KCNAB1: variants seen among roughly 807,000 people sequenced by gnomAD.
KCNAB1 encodes the protein voltage-gated potassium channel subunit beta-1.
KCNAB1 carries 35 observed loss-of-function variants against 64.6 expected under a neutral mutation model. The observed-to-expected ratio is 0.54, with a 90% CI of 0.41 to 0.72. The LOEUF (loss-of-function observed/expected upper bound fraction) is 0.72. Ranked by LOEUF, KCNAB1 falls within the 30% of genes least tolerant of loss-of-function variation. The pLI is 0.00. For synonymous variants in KCNAB1, 177 were observed against 183.8 expected (o/e 0.96, Z 0.30); for missense variants, 401 against 512.9 (o/e 0.78, Z 2.11).
At chr3:156,342,979 C>A (rs1724244851) in intron 1 of KCNAB1, among the ~76,000 whole-genome samples, 1 of 152,144 alleles carries the variant, frequency 6.6e-6, no homozygotes, top group African/African-American at 2.4e-5. Context: ...AGTTTACATA[C>A]ATGTTAAGGA....
At chr3:156,389,088 A>C (rs893792132) in intron 1 of KCNAB1, among the ~76,000 whole-genome samples, 2 of 152,150 alleles carry the variant, frequency 1.3e-5, no homozygotes, top group Non-Finnish European at 2.9e-5. Context: ...ATCTGACATC[A>C]CAGCAAAGTA....
chr3:156,516,816 G>T (rs1717595390), intron 11 of KCNAB1, among the ~76,000 whole-genome samples: 1 of 152,226 alleles, frequency 6.6e-6, no homozygotes, highest in African/African-American at 2.4e-5. Flanking sequence ...AGCTGAGTAT[G>T]GTTGACACTT....
At chr3:156,535,092 G>A (rs1718964974) in intron 13 of KCNAB1, among the ~76,000 whole-genome samples, 1 of 151,762 alleles carries the variant, frequency 6.6e-6, no homozygotes. Flanking sequence ...TAACACATTA[G>A]CTGTTTGGAC....
At chr3:156,495,058 T>C (rs937234288) in intron 8 of KCNAB1, among the ~76,000 whole-genome samples, 2 of 152,256 alleles carry the variant, frequency 1.3e-5, no homozygotes, top group Admixed American at 1.3e-4. Context: ...CCAGTGTGTG[T>C]GCCCTGCAGT....
At position 156,508,817 on chromosome 3, in the gene KCNAB1, C is replaced by T. The variant is rs1011409527; in HGVS notation, c.659-5547C>T. ...GTGCTAGGGATACAGGGAGTATGTA[C>T]GAGAGCTGCCTGTGGCGGGTGAGCG... On this transcript the variant is annotated intron_variant, in intron 8 of 13. Transcript: ENST00000490337. The surrounding 1 kb of genome is among the most constrained non-coding windows in gnomAD (Gnocchi z 4.1). Among the ~76,000 whole-genome samples, 2 of 152,142 alleles carry T rather than the reference C, an allele frequency of 1.3e-5. No individual in the cohort carries two copies. Among genetic ancestry groups the T allele is most frequent in the African/African-American group, 2.4e-5 (1 of 41,414 alleles).
intron 11 of KCNAB1, among the ~76,000 whole-genome samples, chr3:156,522,448 T>C (rs1181939401): frequency 6.6e-6 from 1 of 152,090 alleles, no homozygotes; most frequent in African/African-American, 2.4e-5. Context: ...GCACCAAATG[T>C]CATCTCTGGA....
intron 1 of KCNAB1, among the ~76,000 whole-genome samples, chr3:156,238,576 T>G (rs1455135575): frequency 5.3e-5 from 8 of 152,218 alleles, no homozygotes; most frequent in Admixed American, 5.2e-4. Flanking sequence ...TTCAAATGAT[T>G]CTACAATTAG....
intron 1 of KCNAB1, among the ~76,000 whole-genome samples, chr3:156,190,739 T>G (rs1713514396): frequency 6.6e-6 from 1 of 152,178 alleles, no homozygotes; most frequent in Non-Finnish European, 1.5e-5. Context: ...TCACCCAGGC[T>G]GGAGAGTGCA....
At chr3:156,349,596 C>T (rs1475390822) in intron 1 of KCNAB1, among the ~76,000 whole-genome samples, 1 of 152,222 alleles carries the variant, frequency 6.6e-6, no homozygotes, top group African/African-American at 2.4e-5. Context: ...GGGTCTCACT[C>T]TGTCACCCAG....
At chr3:156,496,509 G>C (rs1417278924) in intron 8 of KCNAB1, among the ~76,000 whole-genome samples, 1 of 152,150 alleles carries the variant, frequency 6.6e-6, no homozygotes, top group Non-Finnish European at 1.5e-5. Flanking sequence ...CAGCCATGTG[G>C]AACTGTGAGT....
At chr3:156,516,580 C>T (rs1316512443) in intron 11 of KCNAB1, among the ~76,000 whole-genome samples, 2 of 152,250 alleles carry the variant, frequency 1.3e-5, no homozygotes, top group Non-Finnish European at 2.9e-5. Context: ...TGAATATTCT[C>T]TTCTTCTGGG....
intron 1 of KCNAB1, among the ~76,000 whole-genome samples, chr3:156,179,416 A>ACCCC (rs1284524252): frequency 5.3e-5 from 4 of 75,944 alleles, no homozygotes; most frequent in African/African-American, 9.4e-5. Context: ...CTGGTTTGGA[A>ACCCC]CCCCCCCCCC....
chr3:156,345,498 C>A (rs79121075), intron 1 of KCNAB1, among the ~76,000 whole-genome samples: 3 of 152,158 alleles, frequency 2.0e-5, no homozygotes, highest in African/African-American at 7.2e-5. Flanking sequence ...CATTTGAGAA[C>A]CTTGGATTCA....
intron 12 of KCNAB1, among the ~76,000 whole-genome samples, chr3:156,529,607 G>A (rs1249260972): frequency 6.6e-6 from 1 of 152,202 alleles, no homozygotes; most frequent in Non-Finnish European, 1.5e-5. Context: ...CAGCGGGTGA[G>A]CCATAACAAT....
intron 2 of KCNAB1, among the ~76,000 whole-genome samples, chr3:156,437,660 T>G (rs1386036092): frequency 6.6e-6 from 1 of 152,236 alleles, no homozygotes; most frequent in Non-Finnish European, 1.5e-5. Context: ...TAAGCTTCTT[T>G]TGCTACAGTC....
intron 1 of KCNAB1, among the ~76,000 whole-genome samples, chr3:156,416,088 C>T (rs1207225784): frequency 1.3e-5 from 2 of 152,208 alleles, no homozygotes; most frequent in Non-Finnish European, 2.9e-5. Flanking sequence ...ATTTTACCTA[C>T]TGGGGATATC....
At chr3:156,438,341 G>A (rs1422234144) in intron 2 of KCNAB1, among the ~76,000 whole-genome samples, 1 of 152,192 alleles carries the variant, frequency 6.6e-6, no homozygotes, top group Non-Finnish European at 1.5e-5. Flanking sequence ...GGCAGGTGAG[G>A]TATTTGTTTT....
intron 1 of KCNAB1, among the ~76,000 whole-genome samples, chr3:156,163,817 T>G (rs1483483726): frequency 6.6e-6 from 1 of 152,244 alleles, no homozygotes; most frequent in Non-Finnish European, 1.5e-5. Context: ...TTCATTACCC[T>G]TTGTGGCAAC....
chr3:156,281,697 A>G (rs1249126637), intron 1 of KCNAB1, among the ~76,000 whole-genome samples: 1 of 150,706 alleles, frequency 6.6e-6, no homozygotes, highest in Non-Finnish European at 1.5e-5. Context: ...GTCTTGGGAG[A>G]GTGTATGTGT....
Sources: gnomAD v4.1 joint callset for allele counts (sites outside exome capture counted in the v4.1 genomes callset) on GRCh38, gnomAD v4.1.1 for gene constraint, Gnocchi (gnomAD v3.1) non-coding constraint, MANE v1.5 for transcripts, NCBI Gene and HGNC (gene_info 2026-07-23, HGNC 2026-07-21) for gene names.